The following CASR variants were observed in gnomAD, a reference collection of about 807,000 sequenced individuals.
CASR encodes extracellular calcium-sensing receptor.
A neutral mutation model predicts 69.1 loss-of-function variants in CASR; 23 were observed. The observed-to-expected ratio is 0.33, with a 90% CI of 0.24 to 0.47. The LOEUF (loss-of-function observed/expected upper bound fraction) is 0.47, where lower values mean the gene tolerates loss of function less well. Among genes scored for constraint, CASR ranks in the 20% least tolerant of loss-of-function variants. The probability of loss-of-function intolerance (pLI) is 1.00; values close to 1 mark genes in which losing one functional copy is unlikely to be tolerated. For missense variants in CASR, 924 were observed against 1,356.1 expected (o/e 0.68, Z 5.00); for synonymous variants, 541 against 544.7 (o/e 0.99, Z 0.10).
chr3:122,242,875 C>G (rs1018687533), intron 1 of CASR, among the ~76,000 whole-genome samples: 4 of 152,098 alleles, frequency 2.6e-5, no homozygotes, highest in Non-Finnish European at 5.9e-5. Flanking sequence ...ATCCACACAC[C>G]TACAGTGAAC....
intron 4 of CASR, among the ~76,000 whole-genome samples, chr3:122,273,053 G>A (rs1007185777): frequency 6.6e-6 from 1 of 152,210 alleles, no homozygotes; most frequent in Non-Finnish European, 1.5e-5. Context: ...TTCCACTGCA[G>A]AGAACTAGTG....
chr3:122,185,640 C>G (rs1337572522), intron 1 of CASR, among the ~76,000 whole-genome samples: 1 of 152,174 alleles, frequency 6.6e-6, no homozygotes, highest in Non-Finnish European at 1.5e-5. Flanking sequence ...CACAGTAGTT[C>G]CTATTCCTTA....
intron 1 of CASR, chr3:122,247,906 T>C (rs1019337054): frequency 1.3e-5 from 2 of 152,484 alleles, no homozygotes; most frequent in African/African-American, 2.4e-5. Context: ...TTCCAATGAC[T>C]CACAAGAACC....
At chr3:122,219,914 T>A (rs918913876) in intron 1 of CASR, among the ~76,000 whole-genome samples, 4 of 152,212 alleles carry the variant, frequency 2.6e-5, no homozygotes, top group African/African-American at 7.2e-5. Context: ...GCCTTCTTGA[T>A]CTTGTCTATT....
At chr3:122,232,678 G>A (rs950705090) in intron 1 of CASR, among the ~76,000 whole-genome samples, 1 of 152,174 alleles carries the variant, frequency 6.6e-6, no homozygotes, top group African/African-American at 2.4e-5. Flanking sequence ...TGGCAAGGCA[G>A]GTAACAGCTC....
At chr3:122,221,596 G>T (rs1050276377) in intron 1 of CASR, among the ~76,000 whole-genome samples, 5 of 152,158 alleles carry the variant, frequency 3.3e-5, no homozygotes, top group African/African-American at 1.2e-4. Flanking sequence ...GTGAATCTTT[G>T]GTTCCTAAAG....
intron 4 of CASR, among the ~76,000 whole-genome samples, chr3:122,273,567 G>C (rs1243620828): frequency 1.3e-5 from 2 of 152,174 alleles, no homozygotes; most frequent in Admixed American, 1.3e-4. Flanking sequence ...TGATTAGGAT[G>C]AAACATTTGC....
chr3:122,224,777 C>G lies in CASR; in HGVS notation c.-242-29171C>G, dbSNP rs563966084. ...AGAACAAAGCTGGAGGCATCACACT[C>G]CCTGACTTCAAACTATACTAAAGGC... On this transcript the variant is annotated intron_variant, in intron 1 of 6. Transcript: ENST00000639785. Among the ~76,000 whole-genome samples the G allele has an allele frequency of 2.2e-4, 33 of 152,172 alleles. 1 individual carries two copies. In the South Asian group the frequency reaches 6.6e-3, roughly 31 times the overall value.
At chr3:122,244,709 T>C (rs189923910) in intron 1 of CASR, among the ~76,000 whole-genome samples, 27 of 152,192 alleles carry the variant, frequency 1.8e-4, no homozygotes, top group Admixed American at 1.7e-3. Context: ...GAAATTCTTG[T>C]ATGATTTGTG....
chr3:122,202,039 T>A (rs1056044656), intron 1 of CASR, among the ~76,000 whole-genome samples: 6 of 152,158 alleles, frequency 3.9e-5, no homozygotes, highest in Admixed American at 6.5e-5. Context: ...GAGGCTGCAA[T>A]CTCGGCACTT....
intron 5 of CASR, among the ~76,000 whole-genome samples, chr3:122,277,169 CT>C (rs1455142492): frequency 2.0e-5 from 3 of 151,820 alleles, no homozygotes; most frequent in African/African-American, 7.3e-5. Context: ...CCACCTCACC[CT>C]CCCAAGTAGC....
At chr3:122,265,026 C>T (rs376061470) in intron 4 of CASR, among the ~76,000 whole-genome samples, 2 of 152,330 alleles carry the variant, frequency 1.3e-5, no homozygotes, top group East Asian at 3.9e-4. Flanking sequence ...AGCATCTTTG[C>T]ATAGGCCATA....
chr3:122,289,030 G>T lies in CASR; in HGVS notation c.*3839G>T, dbSNP rs371792790. 6.6e-6 allele frequency: 1 copy of T among 152,148 alleles called. No homozygotes were observed. The highest frequency in any genetic ancestry group is 2.4e-5 in the African/African-American group (1 of 41,416). 9.4% of individuals were successfully genotyped at this position (152,148 alleles called of 1,614,324 possible). A position where few individuals can be genotyped will look rare whatever the true frequency, so the allele number is the denominator to read the frequency against. On this transcript the variant is annotated 3_prime_UTR_variant, in exon 7 of 7. Coordinates refer to ENST00000639785, the MANE Select transcript of CASR (RefSeq NM_000388.4). ...TAATTTTGATTTTGGGGAAGTTGGGGCTACCCTACCTCTGTCTCCAAAAGG... is the reference window on the plus strand; with the variant it reads ...TAATTTTGATTTTGGGGAAGTTGGGTCTACCCTACCTCTGTCTCCAAAAGG...
chr3:122,225,699 T>A (rs531080628), intron 1 of CASR, among the ~76,000 whole-genome samples: 2 of 152,298 alleles, frequency 1.3e-5, no homozygotes, highest in South Asian at 4.1e-4. Context: ...GAACTATCAT[T>A]TGACCCAGCA....
chr3:122,274,705 C>A (rs180975720), intron 4 of CASR, among the ~76,000 whole-genome samples: 65 of 152,254 alleles, frequency 4.3e-4, no homozygotes, highest in Admixed American at 9.2e-4. Context: ...AGTTTGAGAC[C>A]AGCGTAGGCA....
At chr3:122,229,925 AGAGACT>A (rs2074263645) in intron 1 of CASR, among the ~76,000 whole-genome samples, 1 of 152,174 alleles carries the variant, frequency 6.6e-6, no homozygotes, top group Admixed American at 6.5e-5. Context: ...TGAAATAATG[AGAGACT>A]GTACATTTCT....
chr3:122,280,373 A>G (rs1035306020), intron 5 of CASR, among the ~76,000 whole-genome samples: 3 of 152,216 alleles, frequency 2.0e-5, no homozygotes, highest in African/African-American at 4.8e-5. Flanking sequence ...AGGCAAGAGA[A>G]AGAAATAAAG....
chr3:122,266,222 C>T (rs530822977), intron 4 of CASR, among the ~76,000 whole-genome samples: 4 of 146,100 alleles, frequency 2.7e-5, no homozygotes, highest in African/African-American at 1.0e-4. Context: ...AACCGTTTGA[C>T]TTTAAAATCT....
intron 5 of CASR, among the ~76,000 whole-genome samples, chr3:122,276,528 T>C (rs1178595562): frequency 6.6e-6 from 1 of 152,148 alleles, no homozygotes; most frequent in Admixed American, 6.5e-5. Flanking sequence ...TGGGACAAGC[T>C]TACATGACAA....
Sources: gnomAD v4.1 joint callset for allele counts (sites outside exome capture counted in the v4.1 genomes callset) on GRCh38, gnomAD v4.1.1 for gene constraint, MANE v1.5 for transcripts, NCBI Gene and HGNC (gene_info 2026-07-23, HGNC 2026-07-21) for gene names.